Variants in OARD1 observed in about 807,000 individuals in gnomAD.
OARD1 encodes O-acyl-ADP-ribose deacylase 1, also known as ADP-ribose glycohydrolase OARD1.
Under a neutral mutation model 19.7 loss-of-function variants are expected in OARD1, and 19 were observed. The ratio of observed to expected loss-of-function variants is 0.96; its 90% CI spans 0.67 to 1.41. OARD1 has a LOEUF of 1.41. Ranked by LOEUF, OARD1 falls within the 40% of genes most tolerant of loss-of-function variation. OARD1 has a pLI of 0.00. For missense variants in OARD1, 190 were observed against 183.8 expected (o/e 1.03, Z -0.20); for synonymous variants, 70 against 61.8 (o/e 1.13, Z -0.62).
At position 41,081,961 on chromosome 6, in the gene OARD1, C is replaced by G. The variant is rs78077306; in HGVS notation, c.-41-10286G>C. The stretch of plus-strand genomic sequence containing the variant: ...CAGTTCCTATAAAACACAGGAGTAG[C>G]AGCACTAGTCTACTCTGTGTATGTA... On this transcript the variant is annotated intron_variant, in intron 1 of 4. Transcript: ENST00000480585. Among the ~76,000 whole-genome samples the G allele has an allele frequency of 4.0e-3, 612 of 152,308 alleles. 11 individuals carry two copies. In the South Asian group the frequency reaches 0.061, roughly 15 times the overall value.
In OARD1 at chr6:41,066,711, TCTGA is replaced by T. The variant is rs890034225; in HGVS notation, c.*620_*623del. Reference sequence around the variant, plus strand: ...CTTCTCCTCCCGCTTGGACCCTTTGTCTGACTGTTTGAAATTAAGTTGCAGGTGA... The same window carrying T: ...CTTCTCCTCCCGCTTGGACCCTTTGTCTGTTTGAAATTAAGTTGCAGGTGA... On this transcript the variant is annotated 3_prime_UTR_variant, in exon 6 of 6. Transcript: ENST00000424266. 69 of 152,326 alleles carry T rather than the reference TCTGA, an allele frequency of 4.5e-4. No individual in the cohort carries two copies. The highest frequency in any genetic ancestry group is 1.5e-3 in the African/African-American group (61 of 41,574). 9.4% of individuals were successfully genotyped at this position (152,326 alleles called of 1,614,324 possible). A position where few individuals can be genotyped will look rare whatever the true frequency, so the allele number is the denominator to read the frequency against.
chr6:41,078,640 T>C (rs1004349077), intron 1 of OARD1, among the ~76,000 whole-genome samples: 1 of 152,210 alleles, frequency 6.6e-6, no homozygotes, highest in South Asian at 2.1e-4. Flanking sequence ...CTGAGTAACA[T>C]GTTTGGTGGG....
At chr6:41,080,749 G>C (rs1763882880) in intron 1 of OARD1, 3 of 1,371,962 alleles carry the variant, frequency 2.2e-6, no homozygotes, top group Middle Eastern at 3.7e-4. Flanking sequence ...AAGGTGATCT[G>C]TGTCTTGAAC....
Position 41,065,075 on chromosome 6 carries a change from C to T in OARD1, c.*2260G>A, listed in dbSNP as rs1469184653. On this transcript the variant is annotated 3_prime_UTR_variant, in exon 6 of 6. Coordinates refer to ENST00000424266, the MANE Select transcript of OARD1 (RefSeq NM_001329686.2). ...TCAGGCTTCAAGTGTGATAAGTCGT[C>T]GGAATTTGACCCAAGACTACTATCG... 3 of 152,072 alleles carry T rather than the reference C, an allele frequency of 2.0e-5. No homozygotes were observed. Among genetic ancestry groups the T allele is most frequent in the East Asian group, 1.9e-4 (1 of 5,188 alleles). 9.4% of individuals were successfully genotyped at this position (152,072 alleles called of 1,614,324 possible). A position where few individuals can be genotyped will look rare whatever the true frequency, so the allele number is the denominator to read the frequency against.
intron 1 of OARD1, chr6:41,092,869 A>G (rs764159604): frequency 4.4e-6 from 7 of 1,577,234 alleles, no homozygotes; most frequent in Middle Eastern, 1.8e-4. Context: ...TTCTATGTCC[A>G]TACTTCATGC....
At chr6:41,085,274 T>C (rs1259013431) in intron 1 of OARD1, among the ~76,000 whole-genome samples, 1 of 152,206 alleles carries the variant, frequency 6.6e-6, no homozygotes, top group Non-Finnish European at 1.5e-5. Flanking sequence ...AAGACACTTT[T>C]CATAGCATTG....
chr6:41,076,946 G>C (rs1321049065), upstream of OARD1, among the ~76,000 whole-genome samples: 1 of 152,212 alleles, frequency 6.6e-6, no homozygotes, highest in Non-Finnish European at 1.5e-5. Flanking sequence ...ATTGCTGCTA[G>C]ATTTGAAGCT....
At position 41,067,380 on chromosome 6, in the gene OARD1, C is replaced by T. The variant is rs748390599; in HGVS notation, c.414G>A (p.Glu138=). ...QWENVSAMIE[E]VFEATDIKIT... ...TTTTGATGTCTGTTGCCTCAAATACCTCCTCGATCATCGCAGATACATTTT... is the reference window on the plus strand; with the variant it reads ...TTTTGATGTCTGTTGCCTCAAATACTTCCTCGATCATCGCAGATACATTTT... Residue 138 remains glutamate, a synonymous_variant, in exon 6 of 6, where the codon GAG becomes GAA. Transcript: ENST00000424266. The T allele has an allele frequency of 1.9e-6, 3 of 1,613,768 alleles. No individual in the cohort carries two copies. The highest frequency in any genetic ancestry group is 2.2e-5 in the East Asian group (1 of 44,872).
chr6:41,079,439 T>G (rs1286975777), intron 1 of OARD1, among the ~76,000 whole-genome samples: 2 of 152,224 alleles, frequency 1.3e-5, no homozygotes, highest in African/African-American at 4.8e-5. Context: ...CTTTAAAATT[T>G]TTCTGGATTC....
chr6:41,090,097 G>C, intron 1 of OARD1: 1 of 722,130 alleles, frequency 1.4e-6, no homozygotes, highest in Non-Finnish European at 2.3e-6. Flanking sequence ...CCTGGCGACA[G>C]AGTGAGACTC....
At chr6:41,070,859 G>C in intron 3 of OARD1, 1 of 598,468 alleles carries the variant, frequency 1.7e-6, no homozygotes, top group South Asian at 2.1e-5. Flanking sequence ...CCAACCTATA[G>C]ACTAAGCATC....
rs1315831058 is a variant in OARD1 at position 41,066,803 on chromosome 6, AT to A, written c.*531del. On this transcript the variant is annotated 3_prime_UTR_variant, in exon 6 of 6. Coordinates refer to ENST00000424266, the MANE Select transcript of OARD1 (RefSeq NM_001329686.2). ...GCACAGAACCTCACTAACTCCCCAA[AT>A]TTTTATTTTTCCATTTTTATCACCA... The A allele has an allele frequency of 2.6e-5, 4 of 152,222 alleles. No homozygotes were observed. The highest frequency in any genetic ancestry group is 9.7e-5 in the African/African-American group (4 of 41,432). 9.4% of individuals were successfully genotyped at this position (152,222 alleles called of 1,614,324 possible).
chr6:41,077,142 C>G (rs959152432), upstream of OARD1, among the ~76,000 whole-genome samples: 1 of 152,092 alleles, frequency 6.6e-6, no homozygotes, highest in Admixed American at 6.6e-5. Flanking sequence ...AGGAAAAAAT[C>G]TCATATAAGA....
chr6:41,089,781 T>G, intron 1 of OARD1: 1 of 1,566,582 alleles, frequency 6.4e-7, no homozygotes, highest in South Asian at 1.2e-5. Context: ...GTCAGATATT[T>G]CATGTATAGC....
Position 41,080,943 on chromosome 6 carries a change from TCTC to T in OARD1, c.-41-9271_-41-9269del, listed in dbSNP as rs763086414. The T allele has an allele frequency of 7.6e-6, 11 of 1,442,468 alleles. No individual in the cohort carries two copies. The Admixed American group carries it at 1.5e-4, about 20-fold the overall frequency. The allele number at this position is 1,442,468 out of a possible 1,614,324, so 89.4% of individuals were successfully genotyped here. ...CTGTGAGCACTGCATGAACTTCTCC[TCTC>T]CTCATGTCTGGTGCTGTTTGTGTTA... On this transcript the variant is annotated intron_variant, in intron 1 of 4. Coordinates refer to the OARD1 transcript ENST00000480585.
chr6:41,079,257 A>G, intron 1 of OARD1: 2 of 1,182,446 alleles, frequency 1.7e-6, no homozygotes, highest in Non-Finnish European at 2.5e-6. Context: ...GAATTATTTG[A>G]AAGATACCAG....
chr6:41,092,799 T>C (rs1582035764), intron 1 of OARD1: 1 of 1,092,124 alleles, frequency 9.2e-7, no homozygotes, highest in East Asian at 2.4e-5. Flanking sequence ...AAGTACCCTA[T>C]AAAAATTACT....
intron 1 of OARD1, among the ~76,000 whole-genome samples, chr6:41,081,284 TC>T (rs372521386): frequency 6.2e-4 from 94 of 152,128 alleles, no homozygotes; most frequent in African/African-American, 2.1e-3. Flanking sequence ...GGTCAGGAGA[TC>T]GAGACCATCC....
At chr6:41,095,078 G>A (rs1314062876) in intron 1 of OARD1, among the ~76,000 whole-genome samples, 4 of 151,788 alleles carry the variant, frequency 2.6e-5, no homozygotes, top group African/African-American at 9.7e-5. Context: ...TTCCACTTTT[G>A]TTCCCCTCTA....
Sources: gnomAD v4.1 joint callset for allele counts (sites outside exome capture counted in the v4.1 genomes callset) on GRCh38, gnomAD v4.1.1 for gene constraint, MANE v1.5 for transcripts, NCBI Gene and HGNC (gene_info 2026-07-23, HGNC 2026-07-21) for gene names.